COL9A3: variants seen among roughly 807,000 people sequenced by gnomAD.
COL9A3 encodes collagen alpha-3(IX) chain.
In COL9A3, 82 loss-of-function variants were observed where a neutral mutation model predicts 110.2. That is an observed-to-expected ratio of 0.74 (90% confidence interval 0.62 to 0.89). The LOEUF (loss-of-function observed/expected upper bound fraction) is 0.89, where lower values mean the gene tolerates loss of function less well. COL9A3 is among the 40% of genes least tolerant of loss of function. The pLI, the probability that COL9A3 is intolerant of heterozygous loss-of-function variation, is 0.00. For missense variants in COL9A3, 1,066 were observed against 981.3 expected, an observed-to-expected ratio of 1.09 and a Z score of -1.15; for synonymous variants, 494 against 403.8, an observed-to-expected ratio of 1.22 and a Z score of -2.68.
In COL9A3 at chr20:62,832,999, T is replaced by G. The variant is rs765317778; in HGVS notation, c.1324-21T>G. 1.1e-5 allele frequency: 18 copies of G among 1,612,762 alleles called. No homozygotes were observed. In the African/African-American group the frequency reaches 2.4e-4, roughly 22 times the overall value. ...CTCATGCATGAACAGCTCTTTTAAC[T>G]TTGGGGTGTATCGTTTTCAGGGTAT... is the stretch of plus-strand genomic sequence containing the variant. On this transcript the variant is annotated intron_variant, in intron 25 of 31. Coordinates refer to ENST00000649368, the MANE Select transcript of COL9A3 (RefSeq NM_001853.4).
chr20:62,837,004 T>C, intron 29 of COL9A3, 79 bp from the exon 30 acceptor site: 1 of 1,541,612 alleles, frequency 6.5e-7, no homozygotes, highest in Non-Finnish European at 8.9e-7. Context: ...CAGCACCGTG[T>C]AGATATTTTA....
chr20:62,820,105 G>A, intron 5 of COL9A3, 123 bp downstream of exon 5: 1 of 1,187,178 alleles, frequency 8.4e-7, no homozygotes, highest in East Asian at 2.4e-5. Context: ...CCCTGCCCGT[G>A]CCTGGGGTGG....
chr20:62,837,813 A>AG, intron 30 of COL9A3, among the ~76,000 whole-genome samples: 1 of 148,592 alleles, frequency 6.7e-6, no homozygotes, highest in South Asian at 2.1e-4. Context: ...TCTCCATAAA[A>AG]GAAAAAAAAA....
intron 2 of COL9A3, chr20:62,817,856 A>C: frequency 1.5e-6 from 1 of 666,174 alleles, no homozygotes. Context: ...TCCACCCAGA[A>C]TGCCGGCACT....
chr20:62,839,367 G>A (rs1293284206), intron 31 of COL9A3, among the ~76,000 whole-genome samples: 1 of 152,124 alleles, frequency 6.6e-6, no homozygotes, highest in Non-Finnish European at 1.5e-5. Context: ...ATTGACCTGT[G>A]CATACGTTGA....
chr20:62,837,795 A>G (rs1369391964), intron 30 of COL9A3, among the ~76,000 whole-genome samples: 1 of 150,472 alleles, frequency 6.6e-6, no homozygotes, highest in African/African-American at 2.5e-5. Flanking sequence ...CGACAGAGCG[A>G]GACTCCGTCT....
chr20:62,818,397 T>G, intron 2 of COL9A3, 121 bp from the exon 3 acceptor site: 1 of 977,320 alleles, frequency 1.0e-6, no homozygotes, highest in Non-Finnish European at 1.6e-6. Flanking sequence ...GGGGCCCCTT[T>G]TGTCTGCTGG....
chr20:62,824,592 G>A (rs2063535970), intron 11 of COL9A3, 91 bp downstream of exon 11: 3 of 1,349,928 alleles, frequency 2.2e-6, no homozygotes, highest in African/African-American at 1.4e-5. Flanking sequence ...GGCGGGTCCA[G>A]AAAGCTGGAC....
In COL9A3 at chr20:62,830,651, C is replaced by CT; in HGVS notation, c.1287+63_1287+64insT. On this transcript the variant is annotated intron_variant, in intron 24 of 31. Coordinates refer to ENST00000649368, the MANE Select transcript of COL9A3 (RefSeq NM_001853.4). ...CCTCTACCCATGTACCACAGTCCCC[C>CT]ACCCCCATGACAGTCCCCCAACCCC... The CT allele has an allele frequency of 1.1e-5, 7 of 609,388 alleles. 1 individual carries two copies. Among genetic ancestry groups the CT allele is most frequent in the South Asian group, 1.7e-5 (1 of 57,696 alleles). The allele number at this position is 609,388 out of a possible 1,614,324, so 37.7% of individuals were successfully genotyped here. A position where few individuals can be genotyped will look rare whatever the true frequency, so the allele number is the denominator to read the frequency against.
intron 27 of COL9A3, 58 bp from the exon 28 acceptor site, chr20:62,836,129 G>A (rs1232723167): frequency 7.5e-6 from 12 of 1,604,636 alleles, no homozygotes; most frequent in African/African-American, 2.7e-5. Flanking sequence ...AGAGCACGTC[G>A]GGGTGGCTCT....
chr20:62,826,605 G>A (rs776496513), intron 14 of COL9A3, among the ~76,000 whole-genome samples, 162 bp from the exon 15 acceptor site: 28 of 152,216 alleles, frequency 1.8e-4, no homozygotes, highest in Non-Finnish European at 3.7e-4. Flanking sequence ...GAGCAGGAGG[G>A]GAAGCAGGGA....
intron 12 of COL9A3, chr20:62,825,588 C>T (rs2063545975): frequency 3.3e-6 from 2 of 613,894 alleles, no homozygotes; most frequent in Non-Finnish European, 5.9e-6. Context: ...GCTGAAGGGC[C>T]TTGTGGGAAC....
At chr20:62,837,971 C>T (rs6010758) in intron 30 of COL9A3, among the ~76,000 whole-genome samples, 17,214 of 152,154 alleles carry the variant, frequency 0.11, 1,409 homozygotes, top group African/African-American at 0.23. Context: ...ACAAAATTAG[C>T]CAGGCAAAAC....
intron 27 of COL9A3, 73 bp downstream of exon 27, chr20:62,836,026 C>T (rs2063632094): frequency 6.2e-7 from 1 of 1,606,824 alleles, no homozygotes; most frequent in South Asian, 1.1e-5. Context: ...CTCTGGGCAA[C>T]CAGGCAGCCC....
intron 14 of COL9A3, among the ~76,000 whole-genome samples, 172 bp downstream of exon 14, chr20:62,826,429 G>A (rs2063553145): frequency 6.6e-6 from 1 of 152,210 alleles, no homozygotes. Context: ...TCTCGCATGT[G>A]CCTGGGCGAG....
chr20:62,833,379 G>GT (rs1457736138), intron 26 of COL9A3, among the ~76,000 whole-genome samples: 1 of 152,156 alleles, frequency 6.6e-6, no homozygotes, highest in African/African-American at 2.4e-5. Context: ...CTGCATTTTT[G>GT]TTTTTTTGTT....
At chr20:62,821,683 G>A in intron 7 of COL9A3, 74 bp from the exon 8 acceptor site, 1 of 1,542,778 alleles carries the variant, frequency 6.5e-7, no homozygotes, top group Non-Finnish European at 8.9e-7. Flanking sequence ...TTCGGAGGCG[G>A]CACACCAACC....
chr20:62,840,604 C>T lies in COL9A3; in HGVS notation c.1927C>T (p.Pro643Ser), dbSNP rs1600815625. The change falls in exon 32 of 32, where the codon CCT (proline) becomes TCT (serine). Residue 643 changes from proline (P) to serine (S), a missense_variant. Coordinates refer to ENST00000649368, the MANE Select transcript of COL9A3 (RefSeq NM_001853.4). ...GQDGAPGEPGPPGDPGLPGAI... is the reference protein window; with the variant it reads ...GQDGAPGEPGSPGDPGLPGAI... ...GGACGGTGCTCCCGGCGAGCCTGGG[C>T]CTCCCGGAGATCCTGGGCTTCCAGG... The T allele has an allele frequency of 6.2e-7, 1 of 1,613,228 alleles. No homozygotes were observed. Among genetic ancestry groups the T allele is most frequent in the Non-Finnish European group, 8.5e-7 (1 of 1,179,918 alleles).
Position 62,838,688 on chromosome 20 carries a change from C to G in COL9A3, c.1791C>G (p.Asn597Lys). 6 of 1,552,474 alleles carry G rather than the reference C, an allele frequency of 3.9e-6. No homozygotes were observed. Among genetic ancestry groups the G allele is most frequent in the Non-Finnish European group, 5.2e-6 (6 of 1,147,386 alleles). The change falls in exon 31 of 32, where the codon AAC becomes AAG. Residue 597 changes from asparagine to lysine, a missense_variant. Coordinates refer to ENST00000649368, the MANE Select transcript of COL9A3 (RefSeq NM_001853.4). ...TGTGTCCACACCTCGTGACAGGAAA[C>G]CAGGGTGACAGAGGAGACAAAGGCG... ...GELGDPGPRG[N>K]QGDRGDKGAA...
Sources: allele counts gnomAD v4.1 joint callset (sites outside exome capture counted in the v4.1 genomes callset), GRCh38; gene constraint gnomAD v4.1.1; transcripts MANE v1.5; gene names NCBI Gene and HGNC (gene_info 2026-07-23, HGNC 2026-07-21).